JAKMIP2: variants seen among roughly 807,000 people sequenced by gnomAD.
The protein encoded by JAKMIP2 is janus kinase and microtubule-interacting protein 2.
A neutral mutation model predicts 115.0 loss-of-function variants in JAKMIP2; 25 were observed. That is an observed-to-expected ratio of 0.22 (90% CI 0.16 to 0.30). The LOEUF is 0.30. Ranked by LOEUF, JAKMIP2 falls within the 10% of genes least tolerant of loss-of-function variation. The probability of loss-of-function intolerance (pLI) is 1.00; values close to 1 mark genes in which losing one functional copy is unlikely to be tolerated. For missense variants in JAKMIP2, 642 were observed against 957.6 expected (o/e 0.67, Z 4.35); for synonymous variants, 334 against 343.6 (o/e 0.97, Z 0.31).
Position 147,729,273 on chromosome 5 carries a change from A to G in JAKMIP2, c.-149+53183T>C, listed in dbSNP as rs7726355. Among the ~76,000 whole-genome samples the G allele has an allele frequency of 5.7e-3, 873 of 152,286 alleles. 18 individuals carry two copies. The highest frequency in any genetic ancestry group is 0.02 in the African/African-American group (824 of 41,564). Reference sequence around the variant, plus strand: ...TTCTCATTTATAAAGTCATAATCCCAGCCTTGCCTAGGTCACCTCCTCACT... The same window carrying G: ...TTCTCATTTATAAAGTCATAATCCCGGCCTTGCCTAGGTCACCTCCTCACT... On this transcript the variant is annotated intron_variant, in intron 1 of 21. Coordinates refer to ENST00000616793, the MANE Select transcript of JAKMIP2 (RefSeq NM_001270941.2).
intron 1 of JAKMIP2, among the ~76,000 whole-genome samples, chr5:147,680,104 T>C (rs1311681009): frequency 1.3e-5 from 2 of 152,214 alleles, no homozygotes; most frequent in Non-Finnish European, 2.9e-5. Context: ...ATTTACCTCA[T>C]TGAGCTGTTT....
chr5:147,616,420 C>A (rs1310673579), intron 19 of JAKMIP2, among the ~76,000 whole-genome samples: 2 of 152,212 alleles, frequency 1.3e-5, no homozygotes, highest in African/African-American at 2.4e-5. Context: ...ACAAAACCAA[C>A]TCTTTCAGAG....
At chr5:147,718,081 C>CT (rs1753091128) in intron 1 of JAKMIP2, among the ~76,000 whole-genome samples, 1 of 139,992 alleles carries the variant, frequency 7.1e-6, no homozygotes, top group Non-Finnish European at 1.5e-5. Flanking sequence ...TGTCAAAGGC[C>CT]TTTTCTGCAT....
At chr5:147,658,335 A>C (rs1371401957) in intron 3 of JAKMIP2, among the ~76,000 whole-genome samples, 2 of 152,148 alleles carry the variant, frequency 1.3e-5, no homozygotes. Flanking sequence ...AGATATCACC[A>C]GTGGAGACTG....
chr5:147,672,042 A>C, intron 1 of JAKMIP2, 88 bp from the exon 2 acceptor site: 1 of 946,164 alleles, frequency 1.1e-6, no homozygotes, highest in Non-Finnish European at 1.3e-6. Context: ...AGTTACCTGT[A>C]AGAGCCTCCT....
intron 20 of JAKMIP2, among the ~76,000 whole-genome samples, chr5:147,611,040 A>C (rs1307659410): frequency 6.6e-6 from 1 of 152,136 alleles, no homozygotes; most frequent in Non-Finnish European, 1.5e-5. Context: ...CCCCCCACCA[A>C]GATCGGGCAC....
At chr5:147,765,161 T>A (rs1245634727) in intron 1 of JAKMIP2, among the ~76,000 whole-genome samples, 2 of 151,924 alleles carry the variant, frequency 1.3e-5, no homozygotes, top group East Asian at 1.9e-4. Flanking sequence ...GGTATGAGCA[T>A]GTACTGAATA....
intron 1 of JAKMIP2, among the ~76,000 whole-genome samples, chr5:147,728,502 A>G (rs910473116): frequency 5.3e-5 from 8 of 152,226 alleles, no homozygotes; most frequent in Middle Eastern, 6.8e-3. Context: ...TTAAAGAGAA[A>G]CATTAAAAAC....
At chr5:147,711,948 T>C (rs975734263) in intron 1 of JAKMIP2, among the ~76,000 whole-genome samples, 4 of 152,198 alleles carry the variant, frequency 2.6e-5, no homozygotes, top group Non-Finnish European at 5.9e-5. Context: ...ATAGTAAATT[T>C]CCAAGAAATG....
intron 1 of JAKMIP2, among the ~76,000 whole-genome samples, chr5:147,723,308 AAACT>A (rs1753390404): frequency 6.6e-6 from 1 of 152,302 alleles, no homozygotes; most frequent in South Asian, 2.1e-4. Flanking sequence ...AATACTTTTC[AAACT>A]AACATGTAAA....
intron 1 of JAKMIP2, among the ~76,000 whole-genome samples, chr5:147,737,952 C>T (rs1433483072): frequency 6.6e-6 from 1 of 151,734 alleles, no homozygotes; most frequent in East Asian, 1.9e-4. Context: ...GGTCCTCCCA[C>T]GTAACAGGTG....
chr5:147,688,338 A>G (rs1760670180), intron 1 of JAKMIP2, among the ~76,000 whole-genome samples: 2 of 152,196 alleles, frequency 1.3e-5, no homozygotes, highest in Admixed American at 1.3e-4. Context: ...TATGTGAAAT[A>G]GGGTTCAGGC....
At chr5:147,693,977 G>C (rs1444951411) in intron 1 of JAKMIP2, among the ~76,000 whole-genome samples, 1 of 152,178 alleles carries the variant, frequency 6.6e-6, no homozygotes, top group Admixed American at 6.5e-5. Context: ...TGAAGTTCCA[G>C]ATAGGTGAAG....
At chr5:147,748,421 A>G (rs1213961192) in intron 1 of JAKMIP2, among the ~76,000 whole-genome samples, 1 of 152,182 alleles carries the variant, frequency 6.6e-6, no homozygotes, top group African/African-American at 2.4e-5. Flanking sequence ...TTATTTAGGT[A>G]GATAGCGAGG....
At chr5:147,715,820 T>A (rs1752958039) in intron 1 of JAKMIP2, among the ~76,000 whole-genome samples, 1 of 148,250 alleles carries the variant, frequency 6.7e-6, no homozygotes, top group African/African-American at 2.5e-5. Context: ...TATATTTCTT[T>A]TTTTTTTTTT....
chr5:147,608,424 G>A (rs111465696), intron 20 of JAKMIP2, among the ~76,000 whole-genome samples: 33 of 152,176 alleles, frequency 2.2e-4, no homozygotes, highest in Admixed American at 3.3e-4. Context: ...CCTTAATTTC[G>A]TTATTTACCC....
At chr5:147,696,526 A>G (rs1214953052) in intron 1 of JAKMIP2, among the ~76,000 whole-genome samples, 1 of 152,122 alleles carries the variant, frequency 6.6e-6, no homozygotes, top group Admixed American at 6.6e-5. Context: ...TTTATAAATT[A>G]CCCAGTCTTG....
chr5:147,711,631 C>G (rs1196819418), intron 1 of JAKMIP2, among the ~76,000 whole-genome samples: 1 of 152,146 alleles, frequency 6.6e-6, no homozygotes, highest in Non-Finnish European at 1.5e-5. Context: ...TTAAATGAAG[C>G]AACGAGTGTA....
chr5:147,713,670 A>C (rs1248382795), intron 1 of JAKMIP2, among the ~76,000 whole-genome samples: 1 of 152,216 alleles, frequency 6.6e-6, no homozygotes, highest in Non-Finnish European at 1.5e-5. Flanking sequence ...GAGGGTAAAT[A>C]GGAGACCACA....
Sources: gnomAD v4.1 joint callset for allele counts (sites outside exome capture counted in the v4.1 genomes callset) on GRCh38, gnomAD v4.1.1 for gene constraint, MANE v1.5 for transcripts, NCBI Gene and HGNC (gene_info 2026-07-23, HGNC 2026-07-21) for gene names.